The following PDZRN4 variants were observed in gnomAD, a reference collection of about 807,000 sequenced individuals.
PDZRN4 encodes the protein PDZ domain containing ring finger 4.
In PDZRN4, 70 loss-of-function variants were observed where a neutral mutation model predicts 99.0. That is an observed-to-expected ratio of 0.71 (90% CI 0.58 to 0.86). The LOEUF (loss-of-function observed/expected upper bound fraction) is 0.86, where lower values mean the gene tolerates loss of function less well. Ranked by LOEUF, PDZRN4 falls within the 40% of genes least tolerant of loss-of-function variation. PDZRN4 has a pLI of 0.00. For missense variants in PDZRN4, 1,474 were observed against 1,331.2 expected (o/e 1.11, Z -1.67); for synonymous variants, 551 against 501.6 (o/e 1.10, Z -1.32).
At chr12:41,545,787 T>C (rs1307034536) in intron 5 of PDZRN4, among the ~76,000 whole-genome samples, 1 of 151,668 alleles carries the variant, frequency 6.6e-6, no homozygotes, top group African/African-American at 2.4e-5. Context: ...GACACAGAGG[T>C]TTCCATTCCA....
chr12:41,374,652 A>G (rs1178786347), intron 3 of PDZRN4, among the ~76,000 whole-genome samples: 2 of 152,158 alleles, frequency 1.3e-5, no homozygotes, highest in Non-Finnish European at 2.9e-5. Flanking sequence ...TTAAGCATGA[A>G]TGGAGGGGAT....
intron 3 of PDZRN4, among the ~76,000 whole-genome samples, chr12:41,478,616 T>C (rs1428963848): frequency 6.6e-6 from 1 of 152,204 alleles, no homozygotes; most frequent in Non-Finnish European, 1.5e-5. Flanking sequence ...ACACAAACTT[T>C]TCCTCCCATT....
chr12:41,197,324 C>T (rs1043962365), intron 3 of PDZRN4, among the ~76,000 whole-genome samples: 11 of 151,860 alleles, frequency 7.2e-5, no homozygotes, highest in South Asian at 2.1e-4. Context: ...GCTAGTAACA[C>T]GTATTATTTT....
intron 3 of PDZRN4, among the ~76,000 whole-genome samples, chr12:41,286,044 A>G (rs1026045796): frequency 4.6e-5 from 7 of 152,238 alleles, no homozygotes; most frequent in Admixed American, 1.3e-4. Context: ...AAAGTGGTCA[A>G]TAAGAAACAA....
At chr12:41,377,208 A>G (rs939778831) in intron 3 of PDZRN4, among the ~76,000 whole-genome samples, 5 of 152,086 alleles carry the variant, frequency 3.3e-5, no homozygotes, top group African/African-American at 1.2e-4. Flanking sequence ...TTCTACTATT[A>G]GGGGTCTTCT....
intron 3 of PDZRN4, among the ~76,000 whole-genome samples, chr12:41,302,387 C>T (rs1487241480): frequency 6.6e-6 from 1 of 151,908 alleles, no homozygotes; most frequent in African/African-American, 2.4e-5. Flanking sequence ...TTTTGTTCAC[C>T]AAAGTATATC....
intron 3 of PDZRN4, among the ~76,000 whole-genome samples, chr12:41,275,551 T>A (rs1387843456): frequency 6.6e-6 from 1 of 152,092 alleles, no homozygotes; most frequent in Non-Finnish European, 1.5e-5. Context: ...AGGAAATAGA[T>A]CCTCTCTGCT....
chr12:41,344,587 T>A (rs916596262), intron 3 of PDZRN4, among the ~76,000 whole-genome samples: 3 of 151,860 alleles, frequency 2.0e-5, no homozygotes, highest in African/African-American at 4.8e-5. Context: ...GCTTTGTTTT[T>A]TAGAGTAAAG....
intron 5 of PDZRN4, 31 bp from the exon 6 acceptor site, chr12:41,552,625 T>C: frequency 6.5e-7 from 1 of 1,538,426 alleles, no homozygotes; most frequent in Non-Finnish European, 9.0e-7. Context: ...CTCTCTGACA[T>C]AAATGTCATC....
chr12:41,203,795 C>T (rs1456826287), intron 3 of PDZRN4, among the ~76,000 whole-genome samples: 1 of 151,948 alleles, frequency 6.6e-6, no homozygotes, highest in Non-Finnish European at 1.5e-5. Flanking sequence ...CCGTTGAAGC[C>T]AGACTTTGAA....
intron 3 of PDZRN4, among the ~76,000 whole-genome samples, chr12:41,385,586 T>A (rs1952163383): frequency 6.6e-6 from 1 of 152,110 alleles, no homozygotes; most frequent in Non-Finnish European, 1.5e-5. Flanking sequence ...ATTAGTAAAT[T>A]CCTGGGCACA....
intron 3 of PDZRN4, among the ~76,000 whole-genome samples, chr12:41,499,865 T>G (rs1187501779): frequency 1.3e-5 from 2 of 152,088 alleles, no homozygotes; most frequent in East Asian, 3.9e-4. Flanking sequence ...AATGTAATAA[T>G]AGGCTTTTCA....
At chr12:41,290,689 T>C (rs1428558162) in intron 3 of PDZRN4, among the ~76,000 whole-genome samples, 1 of 152,112 alleles carries the variant, frequency 6.6e-6, no homozygotes, top group Non-Finnish European at 1.5e-5. Flanking sequence ...ACTAAATCTA[T>C]GAGGTATAAT....
chr12:41,323,320 T>C (rs1951691900), intron 3 of PDZRN4, among the ~76,000 whole-genome samples: 1 of 152,204 alleles, frequency 6.6e-6, no homozygotes, highest in Non-Finnish European at 1.5e-5. Context: ...GTTTTAAAAA[T>C]ATAAATAATT....
intron 3 of PDZRN4, among the ~76,000 whole-genome samples, chr12:41,343,761 T>C (rs1486259621): frequency 2.0e-5 from 3 of 151,902 alleles, no homozygotes; most frequent in Non-Finnish European, 4.4e-5. Context: ...AAATGAATGA[T>C]AAATGCACAA....
intron 3 of PDZRN4, among the ~76,000 whole-genome samples, chr12:41,337,407 C>G (rs1951783315): frequency 6.6e-6 from 1 of 151,792 alleles, no homozygotes; most frequent in African/African-American, 2.4e-5. Flanking sequence ...GAGCTGTGAC[C>G]CTAAAAGAAG....
At chr12:41,503,043 C>T (rs1592087517) in intron 3 of PDZRN4, among the ~76,000 whole-genome samples, 1 of 151,976 alleles carries the variant, frequency 6.6e-6, no homozygotes, top group Non-Finnish European at 1.5e-5. Context: ...CTCTTCTTTT[C>T]TTTTCTTGGG....
At chr12:41,519,122 A>G (rs1938450774) in intron 5 of PDZRN4, among the ~76,000 whole-genome samples, 1 of 152,086 alleles carries the variant, frequency 6.6e-6, no homozygotes, top group African/African-American at 2.4e-5. Context: ...AAAAAAACAG[A>G]TAAGTTTTAA....
Position 41,573,667 on chromosome 12 carries a change from T to C in PDZRN4, c.2888T>C (p.Met963Thr), listed in dbSNP as rs762329524. 6.2e-7 allele frequency: 1 copy of C among 1,613,946 alleles called. No individual in the cohort carries two copies. Among genetic ancestry groups the C allele is most frequent in the South Asian group, 1.1e-5 (1 of 91,078 alleles). ...GAGCAGCGCCGTCGCCGTGAGTTCA[T>C]GATGCGAAGCAGGTTAGAGTGTCTC... The part of the protein sequence containing the change: ...AKEQRRRREF[M>T]MRSRLECLKE... Residue 963 changes from methionine to threonine, a missense_variant, in exon 10 of 10, where the codon ATG (methionine) becomes ACG (threonine). Met to Thr is a moderately conservative substitution (Grantham distance 81). Coordinates refer to ENST00000402685, the MANE Select transcript of PDZRN4 (RefSeq NM_001164595.2).
Sources: gnomAD v4.1 joint callset for allele counts (sites outside exome capture counted in the v4.1 genomes callset) on GRCh38, gnomAD v4.1.1 for gene constraint, MANE v1.5 for transcripts, NCBI Gene and HGNC (gene_info 2026-07-23, HGNC 2026-07-21) for gene names.